The following SH3BP5 variants were observed in gnomAD, a reference collection of about 807,000 sequenced individuals.
SH3BP5 encodes SH3 domain-binding protein 5.
SH3BP5 carries 22 observed loss-of-function variants against 43.3 expected under a neutral mutation model. That is an observed-to-expected ratio of 0.51 (90% CI 0.36 to 0.73). The LOEUF is 0.73. SH3BP5 is among the 30% of genes least tolerant of loss of function. The pLI is 0.00. For missense variants in SH3BP5, 529 were observed against 586.9 expected, an observed-to-expected ratio of 0.90 and a Z score of 1.02; for synonymous variants, 255 against 225.8, an observed-to-expected ratio of 1.13 and a Z score of -1.16.
chr3:15,321,674 A>C (rs1474751388), intron 2 of SH3BP5, among the ~76,000 whole-genome samples: 1 of 151,988 alleles, frequency 6.6e-6, no homozygotes, highest in Non-Finnish European at 1.5e-5. Context: ...CTGAGGGTAC[A>C]TTTTTCTAGA....
chr3:15,254,866 T>C lies in SH3BP5; in HGVS notation c.*1220A>G, dbSNP rs1411175263. 2 of 152,216 alleles carry C rather than the reference T, an allele frequency of 1.3e-5. No individual in the cohort carries two copies. The highest frequency in any genetic ancestry group is 2.9e-5 in the Non-Finnish European group (2 of 68,042). 9.4% of individuals were successfully genotyped at this position (152,216 alleles called of 1,614,324 possible). ...GAAAGGAGAAACTTTTCTCAAGCCG[T>C]TTTTATTACACTTAGTGTATTAAGA... is the stretch of plus-strand genomic sequence containing the variant. On this transcript the variant is annotated 3_prime_UTR_variant, in exon 9 of 9. Coordinates refer to ENST00000383791, the MANE Select transcript of SH3BP5 (RefSeq NM_004844.5).
At chr3:15,326,731 C>G (rs1258204605) in intron 2 of SH3BP5, among the ~76,000 whole-genome samples, 1 of 152,122 alleles carries the variant, frequency 6.6e-6, no homozygotes, top group East Asian at 1.9e-4. Context: ...CTACTTAGTG[C>G]CATGTCTTTC....
intron 2 of SH3BP5, among the ~76,000 whole-genome samples, chr3:15,312,218 G>A (rs184058898): frequency 6.6e-6 from 1 of 152,310 alleles, no homozygotes; most frequent in Non-Finnish European, 1.5e-5. Flanking sequence ...AGAAGTAGGT[G>A]AGAGAATCCA....
rs1450727489 is a variant in SH3BP5, at chr3:15,332,252, G to A, written c.138+19C>T. On this transcript the variant is annotated intron_variant, in intron 1 of 8. Coordinates refer to ENST00000383791, the MANE Select transcript of SH3BP5 (RefSeq NM_004844.5). ...AGCCCTCGCGAAGCCCGGATGCGGGGCGACCCCGCGCGCCCTACCTGGATC... is the reference window on the plus strand; with the variant it reads ...AGCCCTCGCGAAGCCCGGATGCGGGACGACCCCGCGCGCCCTACCTGGATC... The A allele has an allele frequency of 1.3e-6, 2 of 1,551,126 alleles. No homozygotes were observed. The highest frequency in any genetic ancestry group is 1.9e-5 in the Admixed American group (1 of 51,692).
intron 5 of SH3BP5, among the ~76,000 whole-genome samples, chr3:15,261,714 C>A (rs76719656): frequency 1.3e-5 from 2 of 148,888 alleles, no homozygotes; most frequent in Non-Finnish European, 3.0e-5. Context: ...AAAAAAAAAA[C>A]TCTACTAAAG....
chr3:15,332,634 C>A, upstream of SH3BP5: 1 of 1,170,488 alleles, frequency 8.5e-7, no homozygotes, highest in Non-Finnish European at 1.1e-6. Flanking sequence ...CAGCGCAGCG[C>A]CCGCTCCGCC....
intron 2 of SH3BP5, among the ~76,000 whole-genome samples, chr3:15,318,708 A>G (rs1435336489): frequency 6.6e-6 from 1 of 152,134 alleles, no homozygotes; most frequent in African/African-American, 2.4e-5. Context: ...GATTACAGGC[A>G]TGCACTGCAA....
At chr3:15,272,219 C>T (rs73025369) in intron 3 of SH3BP5, among the ~76,000 whole-genome samples, 4,940 of 152,242 alleles carry the variant, frequency 0.032, 185 homozygotes, top group East Asian at 0.13. Context: ...CAGCTTTTCC[C>T]GAGCACTCTG....
At chr3:15,306,571 A>G (rs559827503) in intron 2 of SH3BP5, among the ~76,000 whole-genome samples, 134 of 152,308 alleles carry the variant, frequency 8.8e-4, no homozygotes, top group African/African-American at 3.1e-3. Flanking sequence ...AGAACAACAC[A>G]TGATCATGAG....
At chr3:15,293,759 T>C (rs1266705901) in intron 3 of SH3BP5, among the ~76,000 whole-genome samples, 1 of 152,148 alleles carries the variant, frequency 6.6e-6, no homozygotes, top group Admixed American at 6.5e-5. Flanking sequence ...TCAGTGATTA[T>C]TCCCCCTCAG....
chr3:15,267,650 C>T (rs1696682015), intron 4 of SH3BP5, among the ~76,000 whole-genome samples: 1 of 152,124 alleles, frequency 6.6e-6, no homozygotes, highest in South Asian at 2.1e-4. Context: ...CTCAGGAGTA[C>T]AGGGCCATCT....
intron 4 of SH3BP5, among the ~76,000 whole-genome samples, chr3:15,269,312 A>C (rs1696731151): frequency 6.6e-6 from 1 of 152,106 alleles, no homozygotes; most frequent in African/African-American, 2.4e-5. Flanking sequence ...ACATACCCGA[A>C]GTGCAGCCCC....
chr3:15,261,024 C>G (rs938609939), intron 5 of SH3BP5, among the ~76,000 whole-genome samples: 9 of 152,312 alleles, frequency 5.9e-5, no homozygotes, highest in African/African-American at 2.2e-4. Context: ...TCAAAGGCTG[C>G]TCCTCGGCCT....
chr3:15,333,592 G>A (rs1698664431), upstream of SH3BP5, among the ~76,000 whole-genome samples: 1 of 152,132 alleles, frequency 6.6e-6, no homozygotes, highest in South Asian at 2.1e-4. Flanking sequence ...ATCACTTGAG[G>A]CCAGGAGTTC....
chr3:15,318,879 C>CT (rs1422772648), intron 2 of SH3BP5, among the ~76,000 whole-genome samples: 2 of 152,140 alleles, frequency 1.3e-5, no homozygotes, highest in Admixed American at 6.5e-5. Flanking sequence ...GCCTCCTATG[C>CT]TTTTTTGACC....
chr3:15,320,559 C>G (rs998928593), intron 2 of SH3BP5, among the ~76,000 whole-genome samples: 10 of 143,766 alleles, frequency 7.0e-5, no homozygotes, highest in African/African-American at 2.3e-4. Context: ...ACCTGGGCTG[C>G]CTGCCAAAGG....
chr3:15,314,305 T>C (rs1030551272), intron 2 of SH3BP5, among the ~76,000 whole-genome samples: 1 of 151,828 alleles, frequency 6.6e-6, no homozygotes, highest in African/African-American at 2.4e-5. Flanking sequence ...GGCCTAGCCC[T>C]AGATCCTTTT....
At chr3:15,339,977 A>G (rs1365491813) in intron 1 of SH3BP5, 1 of 152,214 alleles carries the variant, frequency 6.6e-6, no homozygotes, top group Non-Finnish European at 1.5e-5. Context: ...TTTTGCAGAC[A>G]CTATTCTAGA....
Position 15,340,918 on chromosome 3 carries a change from G to C in SH3BP5, c.-402+305C>G, listed in dbSNP as rs529325084. On this transcript the variant is annotated intron_variant, in intron 1 of 8. Transcript: ENST00000408919. The stretch of plus-strand genomic sequence containing the variant: ...AAATACAAAATCAGCTGGGCATGGT[G>C]GTGCATGTCTGTAATCCCAGCTATT... 1.4e-4 allele frequency among the ~76,000 whole-genome samples: 22 copies of C among 152,112 alleles called. No homozygotes were observed. In the South Asian group the frequency reaches 4.4e-3, roughly 30 times the overall value.
Sources: gnomAD v4.1 joint callset for allele counts (sites outside exome capture counted in the v4.1 genomes callset) on GRCh38, gnomAD v4.1.1 for gene constraint, MANE v1.5 for transcripts, NCBI Gene and HGNC (gene_info 2026-07-23, HGNC 2026-07-21) for gene names.